The following KIAA0586 variants were observed in gnomAD, a reference collection of about 807,000 sequenced individuals.
KIAA0586 encodes the protein KIAA0586.
In KIAA0586, 144 loss-of-function variants were observed where a neutral mutation model predicts 169.8. The observed-to-expected ratio is 0.85, with a 90% CI of 0.74 to 0.97. The LOEUF (loss-of-function observed/expected upper bound fraction) is 0.97. Ranked by LOEUF, KIAA0586 falls within the 50% of genes least tolerant of loss-of-function variation. The pLI, the probability that KIAA0586 is intolerant of heterozygous loss-of-function variation, is 0.00. For missense variants in KIAA0586, 1,854 were observed against 1,823.0 expected (o/e 1.02, Z -0.31); for synonymous variants, 625 against 612.4 (o/e 1.02, Z -0.30).
chr14:58,474,837 A>G, intron 19 of KIAA0586, 40 bp downstream of exon 19: 11 of 1,346,066 alleles, frequency 8.2e-6, no homozygotes, highest in Non-Finnish European at 1.1e-5. Context: ...GAACCATAGT[A>G]GAAAATATAA....
At chr14:58,533,011 A>C (rs1242287601) in intron 29 of KIAA0586, among the ~76,000 whole-genome samples, 2 of 152,254 alleles carry the variant, frequency 1.3e-5, no homozygotes. Flanking sequence ...TAAGCCTCAC[A>C]GAGGCTATGG....
At chr14:58,469,430 G>C (rs1317064753) in intron 16 of KIAA0586, among the ~76,000 whole-genome samples, 1 of 152,150 alleles carries the variant, frequency 6.6e-6, no homozygotes, top group Non-Finnish European at 1.5e-5. Context: ...TGACAGCGTA[G>C]GCCCACTAAC....
At position 58,477,188 on chromosome 14, in the gene KIAA0586, C is replaced by G. The variant is rs1267103059; in HGVS notation, c.2891C>G (p.Pro964Arg). The G allele has an allele frequency of 6.3e-7, 1 of 1,584,302 alleles. No individual in the cohort carries two copies. Among genetic ancestry groups the G allele is most frequent in the Non-Finnish European group, 8.6e-7 (1 of 1,163,326 alleles). The change falls in exon 20 of 31, where the codon CCT (proline) becomes CGT (arginine). Residue 964 changes from proline to arginine, a missense_variant. By Grantham distance (103) the Pro-to-Arg change is moderately radical. Transcript: ENST00000652326. ...GLFPVQQQIA[P>R]SISVSVSETS... Reference sequence around the variant, plus strand: ...TTTCCAGTCCAGCAACAGATTGCACCTAGTATCAGTGTTTCAGTCAGTGAG... The same window carrying G: ...TTTCCAGTCCAGCAACAGATTGCACGTAGTATCAGTGTTTCAGTCAGTGAG...
At chr14:58,536,971 T>G in intron 29 of KIAA0586, 1 of 1,209,960 alleles carries the variant, frequency 8.3e-7, no homozygotes, top group Non-Finnish European at 1.1e-6. Context: ...CTTCTCATCT[T>G]TTGACTTCAA....
At chr14:58,492,744 A>G (rs2141243280) in intron 26 of KIAA0586, among the ~76,000 whole-genome samples, 1 of 152,366 alleles carries the variant, frequency 6.6e-6, no homozygotes, top group South Asian at 2.1e-4. Flanking sequence ...GACACTTCAT[A>G]CACAATATTA....
At chr14:58,476,989 C>G in intron 19 of KIAA0586, 134 bp from the exon 20 acceptor site, 2 of 554,122 alleles carry the variant, frequency 3.6e-6, no homozygotes, top group Non-Finnish European at 6.5e-6. Flanking sequence ...ATTTAACTTT[C>G]AGAATGACTG....
intron 29 of KIAA0586, among the ~76,000 whole-genome samples, chr14:58,516,698 T>C (rs530072265): frequency 3.9e-5 from 6 of 152,208 alleles, no homozygotes; most frequent in African/African-American, 1.4e-4. Flanking sequence ...CCAAAATAAC[T>C]TTTAAAAAGA....
At chr14:58,546,247 A>T (rs1208684981) in intron 30 of KIAA0586, among the ~76,000 whole-genome samples, 3 of 152,146 alleles carry the variant, frequency 2.0e-5, no homozygotes, top group Non-Finnish European at 4.4e-5. Flanking sequence ...CTCTTTTTAT[A>T]AAAAAATGAA....
Position 58,453,366 on chromosome 14 carries a change from G to T in KIAA0586, c.1146G>T (p.Leu382Phe). 7.4e-7 allele frequency: 1 copy of T among 1,355,968 alleles called. No homozygotes were observed. The highest frequency in any genetic ancestry group is 1.4e-5 in the South Asian group (1 of 70,524). 84.0% of individuals were successfully genotyped at this position (1,355,968 alleles called of 1,614,324 possible). A position where few individuals can be genotyped will look rare whatever the true frequency, so the allele number is the denominator to read the frequency against. ...CTATTTCAGGAAATGTAAGACTATT[G>T]GAACAAATTTTGAATAATAATGATT... ...VSCHRGNVRL[L>F]EQILNNNDSL... is the part of the protein sequence containing the mutation. Residue 382 changes from leucine to phenylalanine, a missense_variant, in exon 9 of 31, where the codon TTG (leucine) becomes TTT (phenylalanine). Transcript: ENST00000652326.
chr14:58,539,952 G>T, intron 29 of KIAA0586, 119 bp from the exon 30 acceptor site: 5 of 599,020 alleles, frequency 8.3e-6, no homozygotes, highest in Non-Finnish European at 1.2e-5. Flanking sequence ...TGTTTACCTG[G>T]TTTTATGAGA....
intron 29 of KIAA0586, chr14:58,537,013 T>G: frequency 7.8e-7 from 1 of 1,279,050 alleles, no homozygotes. Context: ...TCAGTTTTGA[T>G]CAGCAGGATA....
intron 29 of KIAA0586, among the ~76,000 whole-genome samples, chr14:58,530,008 G>A (rs2045857722): frequency 6.6e-6 from 1 of 152,210 alleles, no homozygotes; most frequent in African/African-American, 2.4e-5. Context: ...CTTCAGCAAA[G>A]TCTCAGGGTA....
chr14:58,540,854 CCTT>C (rs755307115), intron 30 of KIAA0586, among the ~76,000 whole-genome samples: 2 of 152,076 alleles, frequency 1.3e-5, no homozygotes, highest in Non-Finnish European at 2.9e-5. Flanking sequence ...TGATGAGGCA[CCTT>C]CTTCATCAAG....
chr14:58,511,337 G>A (rs1011555984), intron 28 of KIAA0586, among the ~76,000 whole-genome samples: 40 of 152,234 alleles, frequency 2.6e-4, no homozygotes, highest in Middle Eastern at 3.4e-3. Flanking sequence ...AGTTTTTTAC[G>A]TATTTTAACT....
rs2036972280 is a variant in KIAA0586 at position 58,427,931 on chromosome 14, G to A, written c.-334G>A. On this transcript the variant is annotated 5_prime_UTR_variant, in exon 1 of 31. Coordinates refer to ENST00000652326, the MANE Select transcript of KIAA0586 (RefSeq NM_001329943.3). ...CCTCTTCTCAACAAATTTTAAGCCC[G>A]CCACTACATGTGTTTGGTTTTGCCC... The A allele has an allele frequency of 2.9e-6, 4 of 1,371,354 alleles. No individual in the cohort carries two copies. Among genetic ancestry groups the A allele is most frequent in the Non-Finnish European group, 3.8e-6 (4 of 1,048,604 alleles). 84.9% of individuals were successfully genotyped at this position (1,371,354 alleles called of 1,614,324 possible).
At chr14:58,472,374 C>A (rs1202119722) in intron 18 of KIAA0586, 95 bp downstream of exon 18, 3 of 523,630 alleles carry the variant, frequency 5.7e-6, no homozygotes, top group Non-Finnish European at 9.8e-6. Flanking sequence ...TGTTACAGTG[C>A]TTTGAGATAC....
chr14:58,438,173 A>T (rs901058545), intron 4 of KIAA0586, among the ~76,000 whole-genome samples: 5 of 152,156 alleles, frequency 3.3e-5, no homozygotes, highest in African/African-American at 4.8e-5. Flanking sequence ...GACTAGAATG[A>T]AATAATTGCT....
Position 58,477,217 on chromosome 14 carries a change from A to G in KIAA0586, c.2920A>G (p.Ser974Gly). The G allele has an allele frequency of 6.4e-7, 1 of 1,560,586 alleles. No homozygotes were observed. Among genetic ancestry groups the G allele is most frequent in the Non-Finnish European group, 8.7e-7 (1 of 1,144,960 alleles). Residue 974 changes from serine (S) to glycine (G), a missense_variant, in exon 20 of 31, where the codon AGT (serine) becomes GGT (glycine). Transcript: ENST00000652326. ...PSISVSVSET[S>G]EPLTSDIVEG... Reference sequence around the variant, plus strand: ...TATCAGTGTTTCAGTCAGTGAGACAAGTGAACCACTGACTTCTGACATTGG... The same window carrying G: ...TATCAGTGTTTCAGTCAGTGAGACAGGTGAACCACTGACTTCTGACATTGG...
chr14:58,481,230 C>T (rs1328310481), intron 20 of KIAA0586, among the ~76,000 whole-genome samples: 1 of 152,186 alleles, frequency 6.6e-6, no homozygotes, highest in Non-Finnish European at 1.5e-5. Flanking sequence ...TTAAGCAGTA[C>T]TCTTTGGTGA....
Sources: gnomAD v4.1 joint callset for allele counts (sites outside exome capture counted in the v4.1 genomes callset) on GRCh38, gnomAD v4.1.1 for gene constraint, MANE v1.5 for transcripts, NCBI Gene and HGNC (gene_info 2026-07-23, HGNC 2026-07-21) for gene names.